GARRE1: variants seen among roughly 807,000 people sequenced by gnomAD.
GARRE1 encodes granule associated Rac and RHOG effector 1.
A neutral mutation model predicts 103.2 loss-of-function variants in GARRE1; 49 were observed. That is an observed-to-expected ratio of 0.47 (90% CI 0.38 to 0.60). The LOEUF (loss-of-function observed/expected upper bound fraction) is 0.60, where lower values mean the gene tolerates loss of function less well. GARRE1 is among the 20% of genes least tolerant of loss of function. GARRE1 has a pLI of 0.00. For missense variants in GARRE1, 1,199 were observed against 1,370.5 expected (o/e 0.87, Z 1.98); for synonymous variants, 505 against 532.8 (o/e 0.95, Z 0.72).
At chr19:34,266,406 G>T (rs2073751736) in intron 1 of GARRE1, among the ~76,000 whole-genome samples, 1 of 152,198 alleles carries the variant, frequency 6.6e-6, no homozygotes, top group African/African-American at 2.4e-5. Context: ...TTGTCACCCA[G>T]GCTGAAGTGC....
chr19:34,337,101 A>G (rs549130036), intron 8 of GARRE1, among the ~76,000 whole-genome samples: 47 of 151,608 alleles, frequency 3.1e-4, no homozygotes, highest in African/African-American at 9.9e-4. Context: ...CTTGTTGGGA[A>G]GAACACAAAC....
chr19:34,272,430 C>T (rs1599749427), intron 1 of GARRE1, among the ~76,000 whole-genome samples: 2 of 152,220 alleles, frequency 1.3e-5, no homozygotes, highest in African/African-American at 4.8e-5. Context: ...AACTCCTGAC[C>T]TCAGGTAATC....
At position 34,342,129 on chromosome 19, in the gene GARRE1, A is replaced by T; in HGVS notation, c.2195A>T (p.Gln732Leu). ...CCAAAGCAGCAACAACCTCAAGTCC[A>T]ATACTACCAACACCTACTCCAGCCC... ...QSPKQQQPQV[Q>L]YYQHLLQPIG... Residue 732 changes from glutamine (Q) to leucine (L), a missense_variant, in exon 10 of 14, where the codon CAA becomes CTA. Coordinates refer to ENST00000299505, the MANE Select transcript of GARRE1 (RefSeq NM_014686.5). 6.2e-7 allele frequency: 1 copy of T among 1,614,126 alleles called. No individual in the cohort carries two copies. The highest frequency in any genetic ancestry group is 8.5e-7 in the Non-Finnish European group (1 of 1,180,016).
chr19:34,257,162 T>C (rs74434916), intron 1 of GARRE1, among the ~76,000 whole-genome samples: 169 of 16,500 alleles, frequency 0.01, no homozygotes, highest in Middle Eastern at 0.033. Context: ...TAAGCATCCT[T>C]TTTTTTTTTT....
In GARRE1 at chr19:34,302,394, A is replaced by G. The variant is rs574355401; in HGVS notation, c.495+1426A>G. ...ACTGCAACATCGCCTCCCAGGTTCA[A>G]GCAATTCTCTGCCTCAGCCTCCCGA... On this transcript the variant is annotated intron_variant, in intron 2 of 13. Coordinates refer to ENST00000299505, the MANE Select transcript of GARRE1 (RefSeq NM_014686.5). 7.6e-5 allele frequency among the ~76,000 whole-genome samples: 11 copies of G among 145,166 alleles called. No homozygotes were observed. In the South Asian group the frequency reaches 2.4e-3, roughly 32 times the overall value.
chr19:34,323,023 CTTTTTTTTTT>C (rs71165649), intron 3 of GARRE1, among the ~76,000 whole-genome samples: 13 of 66,688 alleles, frequency 1.9e-4, no homozygotes, highest in African/African-American at 3.4e-4. Flanking sequence ...TATTTCTTTT[CTTTTTTTTTT>C]TTTTTTTTTT....
intron 1 of GARRE1, among the ~76,000 whole-genome samples, chr19:34,286,984 A>G (rs902050863): frequency 6.6e-6 from 1 of 151,866 alleles, no homozygotes; most frequent in African/African-American, 2.4e-5. Flanking sequence ...TGTATTCTCC[A>G]AAAAATTAGT....
chr19:34,338,158 C>T (rs1476719010), intron 8 of GARRE1, among the ~76,000 whole-genome samples: 1 of 152,144 alleles, frequency 6.6e-6, no homozygotes, highest in East Asian at 1.9e-4. Flanking sequence ...GTTGAGTTCA[C>T]CATTTAGCTT....
At chr19:34,313,802 G>C (rs2074047679) in intron 2 of GARRE1, among the ~76,000 whole-genome samples, 1 of 151,950 alleles carries the variant, frequency 6.6e-6, no homozygotes. Context: ...CTTGCATTTT[G>C]TTTTTATTTA....
At chr19:34,336,919 A>G (rs2074163438) in intron 8 of GARRE1, among the ~76,000 whole-genome samples, 1 of 152,188 alleles carries the variant, frequency 6.6e-6, no homozygotes, top group Non-Finnish European at 1.5e-5. Flanking sequence ...TTTGTTTTGA[A>G]AACTCTCCCT....
Position 34,262,526 on chromosome 19 carries a change from C to T in GARRE1, c.-796+7912C>T, listed in dbSNP as rs190052919. On this transcript the variant is annotated intron_variant, in intron 1 of 13. Transcript: ENST00000299505. Reference sequence around the variant, plus strand: ...GGCTAGGCTGGTCTGGAACTCCTGACCTCAGGTGATCCGCCTGCCTTGGCC... The same window carrying T: ...GGCTAGGCTGGTCTGGAACTCCTGATCTCAGGTGATCCGCCTGCCTTGGCC... 3.7e-3 allele frequency among the ~76,000 whole-genome samples: 561 copies of T among 151,548 alleles called. 3 individuals are homozygous for T. The highest frequency in any genetic ancestry group is 0.013 in the African/African-American group (540 of 41,318).
At chr19:34,285,395 G>A (rs1199144350) in intron 1 of GARRE1, 2 of 152,126 alleles carry the variant, frequency 1.3e-5, no homozygotes, top group African/African-American at 4.8e-5. Flanking sequence ...GCTGAGGCAG[G>A]CGGATCACTT....
At chr19:34,326,032 G>C (rs2074110223) in intron 3 of GARRE1, among the ~76,000 whole-genome samples, 1 of 152,130 alleles carries the variant, frequency 6.6e-6, no homozygotes, top group South Asian at 2.1e-4. Context: ...TGTTTTCTTT[G>C]TTCACCTTTT....
intron 1 of GARRE1, among the ~76,000 whole-genome samples, chr19:34,279,743 T>G (rs1461452709): frequency 6.6e-6 from 1 of 151,996 alleles, no homozygotes; most frequent in South Asian, 2.1e-4. Context: ...CCCAGCACTT[T>G]GGGAGGCCGA....
chr19:34,335,426 T>A (rs571315915), intron 8 of GARRE1, among the ~76,000 whole-genome samples: 16 of 152,362 alleles, frequency 1.1e-4, no homozygotes, highest in African/African-American at 3.8e-4. Flanking sequence ...AATATTTAAA[T>A]CATTTAAGTA....
At chr19:34,303,060 A>G (rs1390566814) in intron 2 of GARRE1, among the ~76,000 whole-genome samples, 5 of 152,194 alleles carry the variant, frequency 3.3e-5, no homozygotes, top group Non-Finnish European at 7.4e-5. Flanking sequence ...GATAGTTAAA[A>G]TGAAATATTA....
intron 2 of GARRE1, among the ~76,000 whole-genome samples, chr19:34,307,912 TCTGAGACTGCGTAG>T (rs988906693): frequency 2.7e-5 from 4 of 150,652 alleles, no homozygotes; most frequent in African/African-American, 9.7e-5. Context: ...TTCCCGCGTA[TCTGAGACTGCGTAG>T]CTGAGACTAC....
At chr19:34,323,581 G>A (rs998477006) in intron 3 of GARRE1, among the ~76,000 whole-genome samples, 1 of 152,164 alleles carries the variant, frequency 6.6e-6, no homozygotes, top group Non-Finnish European at 1.5e-5. Flanking sequence ...GGCTGTGTGT[G>A]GGGGTGGGAC....
At chr19:34,299,534 G>C (rs2073965623) in intron 1 of GARRE1, 145 bp from the exon 2 acceptor site, 1 of 152,148 alleles carries the variant, frequency 6.6e-6, no homozygotes, top group South Asian at 2.1e-4. Context: ...ATAGTTCAGT[G>C]CTCACTATTG....
Sources: allele counts gnomAD v4.1 joint callset (sites outside exome capture counted in the v4.1 genomes callset), GRCh38; gene constraint gnomAD v4.1.1; transcripts MANE v1.5; gene names NCBI Gene and HGNC (gene_info 2026-07-23, HGNC 2026-07-21).